Variants in SLC66A3 observed in about 807,000 individuals in gnomAD.
The protein encoded by SLC66A3 is solute carrier family 66 member 3.
A neutral mutation model predicts 25.5 loss-of-function variants in SLC66A3; 23 were observed. The observed-to-expected ratio is 0.90, with a 90% confidence interval of 0.65 to 1.28. The LOEUF is 1.28. Among genes scored for constraint, SLC66A3 ranks in the 50% most tolerant of loss-of-function variants. The pLI, the probability that SLC66A3 is intolerant of heterozygous loss-of-function variation, is 0.00. For missense variants in SLC66A3, 246 were observed against 262.1 expected (o/e 0.94, Z 0.42); for synonymous variants, 108 against 112.6 (o/e 0.96, Z 0.26).
At position 11,175,029 on chromosome 2, in the gene SLC66A3, ACTTC is replaced by A. The variant is rs1243293564; in HGVS notation, c.517+24_517+27del. The A allele has an allele frequency of 6.3e-7, 1 of 1,581,998 alleles. No homozygotes were observed. The highest frequency in any genetic ancestry group is 2.3e-5 in the East Asian group (1 of 43,890). On this transcript the variant is annotated intron_variant, in intron 6 of 6. Transcript: ENST00000295083. ...TTACAAGTAAGCAAAATATCTTCTC[ACTTC>A]CTTTTTGAGTTTTGTGCTATTTGTG... is the stretch of plus-strand genomic sequence containing the variant.
intron 4 of SLC66A3, 66 bp downstream of exon 4, chr2:11,164,327 T>A (rs942161913): frequency 1.2e-3 from 216 of 175,942 alleles, no homozygotes; most frequent in African/African-American, 6.8e-3. Context: ...TGATAGATAT[T>A]TATATATATA....
intron 5 of SLC66A3, among the ~76,000 whole-genome samples, chr2:11,173,467 G>A (rs982909836): frequency 6.6e-6 from 1 of 152,154 alleles, no homozygotes; most frequent in Non-Finnish European, 1.5e-5. Context: ...GAAGTCTTCT[G>A]TCTACTTATA....
intron 1 of SLC66A3, among the ~76,000 whole-genome samples, chr2:11,158,438 G>A (rs1487025673): frequency 4.6e-5 from 7 of 152,198 alleles, no homozygotes; most frequent in South Asian, 2.1e-4. Flanking sequence ...CCAGGCCGGC[G>A]GATCACGAGG....
chr2:11,167,931 A>AT (rs1453210832), intron 4 of SLC66A3, among the ~76,000 whole-genome samples: 7 of 152,204 alleles, frequency 4.6e-5, no homozygotes, highest in African/African-American at 1.7e-4. Context: ...TCATGGTTAA[A>AT]TTGATAATTC....
intron 4 of SLC66A3, among the ~76,000 whole-genome samples, chr2:11,170,233 G>T (rs574914633): frequency 6.6e-6 from 1 of 152,126 alleles, no homozygotes; most frequent in African/African-American, 2.4e-5. Context: ...TTCTCACCTC[G>T]TCTGTTTCTA....
intron 1 of SLC66A3, chr2:11,160,261 C>T (rs1662068818): frequency 4.9e-6 from 3 of 615,682 alleles, no homozygotes; most frequent in South Asian, 1.9e-5. Context: ...GCCCGGTGCC[C>T]AGTAAGTTCT....
chr2:11,155,685 G>A lies in SLC66A3; in HGVS notation c.139G>A (p.Ala47Thr). The A allele has an allele frequency of 7.0e-7, 1 of 1,436,386 alleles. No individual in the cohort carries two copies. The highest frequency in any genetic ancestry group is 9.1e-7 in the Non-Finnish European group (1 of 1,099,084). 89.0% of individuals were successfully genotyped at this position (1,436,386 alleles called of 1,614,324 possible). ...LSLPSLLLEL[A>T]GFLVFLRYQC... Reference sequence around the variant, plus strand: ...CCTTCCGAGTTTACTTCTGGAGCTGGCAGGGTAAGGCCCGGGGCGGCCGGG... The same window carrying A: ...CCTTCCGAGTTTACTTCTGGAGCTGACAGGGTAAGGCCCGGGGCGGCCGGG... Residue 47 changes from alanine to threonine, a missense_variant, in exon 1 of 7, where the codon GCA (alanine) becomes ACA (threonine). Physicochemically the swap from Ala to Thr is moderately conservative, Grantham distance 58. Around this residue, in one of 3 missense-constraint regions of SLC66A3, gnomAD observed 142 missense variants for 130.3 expected, o/e 1.09. Coordinates refer to ENST00000295083, the MANE Select transcript of SLC66A3 (RefSeq NM_152391.5).
chr2:11,165,872 C>T (rs1421756028), intron 4 of SLC66A3, among the ~76,000 whole-genome samples: 1 of 151,920 alleles, frequency 6.6e-6, no homozygotes, highest in African/African-American at 2.4e-5. Flanking sequence ...GAAAACCAGT[C>T]AGGCGTGGCG....
intron 3 of SLC66A3, among the ~76,000 whole-genome samples, chr2:11,161,309 C>T (rs138575364): frequency 3.8e-4 from 57 of 149,938 alleles, no homozygotes; most frequent in Non-Finnish European, 6.9e-4. Context: ...GAGACGGTCT[C>T]GCTCTGTGGC....
At chr2:11,159,264 G>T (rs1302695658) in intron 1 of SLC66A3, among the ~76,000 whole-genome samples, 1 of 152,160 alleles carries the variant, frequency 6.6e-6, no homozygotes, top group Non-Finnish European at 1.5e-5. Context: ...GCCCCCCTGG[G>T]CTCAATCTCC....
chr2:11,163,704 G>T (rs144516043), intron 3 of SLC66A3, among the ~76,000 whole-genome samples: 3 of 152,170 alleles, frequency 2.0e-5, no homozygotes, highest in African/African-American at 7.2e-5. Flanking sequence ...GCGTCACCGA[G>T]CTCGGTGCAC....
intron 5 of SLC66A3, among the ~76,000 whole-genome samples, chr2:11,173,345 G>A (rs908732156): frequency 6.6e-6 from 1 of 152,094 alleles, no homozygotes; most frequent in Non-Finnish European, 1.5e-5. Context: ...TTTTTAATTG[G>A]GTCATTTGAG....
chr2:11,167,425 A>G (rs1365166600), intron 4 of SLC66A3, among the ~76,000 whole-genome samples: 1 of 152,230 alleles, frequency 6.6e-6, no homozygotes, highest in African/African-American at 2.4e-5. Flanking sequence ...CCTGGGCAAC[A>G]GAGCAAGACT....
intron 3 of SLC66A3, among the ~76,000 whole-genome samples, chr2:11,163,198 A>C (rs150885850): frequency 1.3e-5 from 2 of 152,328 alleles, no homozygotes; most frequent in East Asian, 3.9e-4. Flanking sequence ...CTGTACTTTT[A>C]TTTGTGAAAT....
chr2:11,158,281 G>C (rs949859250), intron 1 of SLC66A3, among the ~76,000 whole-genome samples: 3 of 152,220 alleles, frequency 2.0e-5, no homozygotes, highest in African/African-American at 7.2e-5. Flanking sequence ...CCTTTGGGAG[G>C]CCGAGGCGGG....
chr2:11,174,746 C>T (rs933418067), intron 5 of SLC66A3, among the ~76,000 whole-genome samples: 1 of 152,120 alleles, frequency 6.6e-6, no homozygotes, highest in African/African-American at 2.4e-5. Context: ...GGTGATCCGG[C>T]ATGGCTAGTT....
chr2:11,158,163 G>C (rs147465189), intron 1 of SLC66A3, among the ~76,000 whole-genome samples: 358 of 152,340 alleles, frequency 2.4e-3, no homozygotes, highest in African/African-American at 8.4e-3. Context: ...ATGGGGCTGT[G>C]TCAGATGCCC....
chr2:11,157,387 A>AGCCAGG (rs893088835), intron 1 of SLC66A3, among the ~76,000 whole-genome samples: 7 of 152,242 alleles, frequency 4.6e-5, no homozygotes, highest in East Asian at 1.9e-4. Flanking sequence ...GCAGCCTCCA[A>AGCCAGG]GCCAGGGCCA....
In SLC66A3 at chr2:11,160,451, C is replaced by T. The variant is rs377238533; in HGVS notation, c.144-15C>T. ...TTTGGGGCAGCCGTGTGGACATGTG[C>T]CCTTCTCTCTCCAGATTCCTGGTGT... On this transcript the variant is annotated splice_polypyrimidine_tract_variant and intron_variant, in intron 1 of 6. Coordinates refer to ENST00000295083, the MANE Select transcript of SLC66A3 (RefSeq NM_152391.5). 12 of 1,612,984 alleles carry T rather than the reference C, an allele frequency of 7.4e-6. No individual in the cohort carries two copies. Among genetic ancestry groups the T allele is most frequent in the Non-Finnish European group, 9.3e-6 (11 of 1,179,036 alleles).
Sources: gnomAD v4.1 joint callset for allele counts (sites outside exome capture counted in the v4.1 genomes callset) on GRCh38, gnomAD v4.1.1 for gene constraint, gnomAD v4.1.1 regional missense constraint, MANE v1.5 for transcripts, NCBI Gene and HGNC (gene_info 2026-07-23, HGNC 2026-07-21) for gene names.